Variants in TCF3 observed in about 807,000 individuals in gnomAD.
The protein encoded by TCF3 is transcription factor 3, also known as transcription factor E2-alpha.
TCF3 carries 54 observed loss-of-function variants against 72.3 expected under a neutral mutation model. The observed-to-expected ratio is 0.75, with a 90% CI of 0.60 to 0.94. TCF3 has a LOEUF of 0.94. Among genes scored for constraint, TCF3 ranks in the 40% least tolerant of loss-of-function variants. The probability of loss-of-function intolerance (pLI) is 0.00; values close to 1 mark genes in which losing one functional copy is unlikely to be tolerated. For missense variants in TCF3, 1,078 were observed against 934.4 expected (o/e 1.15, Z -2.00); for synonymous variants, 525 against 412.6 (o/e 1.27, Z -3.30).
rs781779398 is a variant in TCF3, at chr19:1,621,050, C to T, written c.1015-4G>A. Reference sequence around the variant, plus strand: ...TTGAGTGATCCGGGGAGTAGATCTGCGAGGAGGACCAGGAGAGATGGGCGG... The same window carrying T: ...TTGAGTGATCCGGGGAGTAGATCTGTGAGGAGGACCAGGAGAGATGGGCGG... On this transcript the variant is annotated splice_region_variant and splice_polypyrimidine_tract_variant and intron_variant, in intron 12 of 18. Coordinates refer to ENST00000262965, the MANE Select transcript of TCF3 (RefSeq NM_003200.5). The T allele has an allele frequency of 1.9e-5, 29 of 1,519,564 alleles. No individual in the cohort carries two copies. Among genetic ancestry groups the T allele is most frequent in the South Asian group, 1.9e-4 (15 of 80,210 alleles). 94.1% of individuals were successfully genotyped at this position (1,519,564 alleles called of 1,614,324 possible).
In TCF3 at chr19:1,615,141, G is replaced by A. The variant is rs565387222; in HGVS notation, c.1822+144C>T. On this transcript the variant is annotated intron_variant, in intron 18 of 18. Transcript: ENST00000262965. This position sits in a 1 kb window ranked among gnomAD's most constrained non-coding sequence, Gnocchi z 7.3. ...ACAGTCATGGCAATGCGGTCAGAGG[G>A]GTGAAGGGCACAGTCACTGCAAGGA... The A allele has an allele frequency of 1.5e-4, 148 of 969,892 alleles. 6 individuals are homozygous for A. In the South Asian group the frequency reaches 2.2e-3, roughly 14 times the overall value. The allele number at this position is 969,892 out of a possible 1,614,324, so 60.1% of individuals were successfully genotyped here.
chr19:1,625,953 A>G (rs1361201638), intron 6 of TCF3, among the ~76,000 whole-genome samples: 2 of 152,092 alleles, frequency 1.3e-5, no homozygotes, highest in Non-Finnish European at 2.9e-5. Flanking sequence ...AGTGTGGCCA[A>G]CCCAAGGGGC....
rs762260573 is a variant in TCF3 at position 1,625,570 on chromosome 19, G to A, written c.499+6C>T. On this transcript the variant is annotated splice_donor_region_variant and intron_variant, in intron 7 of 18. Coordinates refer to ENST00000262965, the MANE Select transcript of TCF3 (RefSeq NM_003200.5). Reference sequence around the variant, plus strand: ...GCCCCCGATGCCCCGGCCAGACCCCGCTCACCTAGGCTGCCGTCTGCCGCT... The same window carrying A: ...GCCCCCGATGCCCCGGCCAGACCCCACTCACCTAGGCTGCCGTCTGCCGCT... The A allele has an allele frequency of 1.2e-5, 19 of 1,576,678 alleles. No individual in the cohort carries two copies. The East Asian group carries it at 2.0e-4, about 16-fold the overall frequency.
In TCF3 at chr19:1,632,019, C is replaced by T; in HGVS notation, c.298+19G>A. 2 of 1,610,916 alleles carry T rather than the reference C, an allele frequency of 1.2e-6. No individual in the cohort carries two copies. Among genetic ancestry groups the T allele is most frequent in the Non-Finnish European group, 1.7e-6 (2 of 1,178,692 alleles). On this transcript the variant is annotated intron_variant, in intron 5 of 18. Transcript: ENST00000262965. The stretch of plus-strand genomic sequence containing the variant: ...ACATCTGTGCACAGCAGAGGGACCG[C>T]ACCAGGCCAGGCACTCACCTCCGAG...
At chr19:1,627,533 A>G (rs1287208740) in intron 5 of TCF3, 107 bp from the exon 6 acceptor site, 1 of 994,028 alleles carries the variant, frequency 1.0e-6, no homozygotes, top group African/African-American at 1.6e-5. Context: ...AGTGCACACG[A>G]CTGAGAGCGC....
At chr19:1,612,049 A>G (rs555626587) in intron 18 of TCF3, among the ~76,000 whole-genome samples, 200 bp from the exon 19 acceptor site, 2 of 151,722 alleles carry the variant, frequency 1.3e-5, no homozygotes, top group East Asian at 3.9e-4. Context: ...GAGAGTGGGT[A>G]TCAGGGGGTG....
At chr19:1,636,836 C>T (rs566509412) in intron 3 of TCF3, among the ~76,000 whole-genome samples, 1 of 152,302 alleles carries the variant, frequency 6.6e-6, no homozygotes, top group Admixed American at 6.5e-5. Context: ...CCTCCCACTT[C>T]GATCTGCCTC....
intron 3 of TCF3, among the ~76,000 whole-genome samples, chr19:1,642,216 GCA>G (rs1280046734): frequency 6.7e-6 from 1 of 149,220 alleles, no homozygotes; most frequent in Non-Finnish European, 1.5e-5. Context: ...GCACACACGC[GCA>G]GACGCACAGA....
intron 2 of TCF3, among the ~76,000 whole-genome samples, chr19:1,648,270 T>C (rs905686851): frequency 3.3e-5 from 5 of 152,094 alleles, no homozygotes; most frequent in African/African-American, 7.2e-5. Context: ...AGGAACAGAG[T>C]GGGGATGCGG....
Position 1,610,993 on chromosome 19 carries a change from G to C in TCF3, c.*714C>G, listed in dbSNP as rs1599387672. On this transcript the variant is annotated 3_prime_UTR_variant, in exon 19 of 19. Coordinates refer to ENST00000262965, the MANE Select transcript of TCF3 (RefSeq NM_003200.5). ...TTTTAATACAACGTTTAATCATCTGGTTGATCAAGAAATGCAATGCTCAGT... is the reference window on the plus strand; with the variant it reads ...TTTTAATACAACGTTTAATCATCTGCTTGATCAAGAAATGCAATGCTCAGT... The C allele has an allele frequency of 4.5e-6, 1 of 223,062 alleles. No individual in the cohort carries two copies. The highest frequency in any genetic ancestry group is 6.4e-5 in the East Asian group (1 of 15,670). 13.8% of individuals were successfully genotyped at this position (223,062 alleles called of 1,614,324 possible).
chr19:1,609,454 T>C lies in TCF3; in HGVS notation c.*2253A>G. On this transcript the variant is annotated 3_prime_UTR_variant, in exon 19 of 19. Coordinates refer to ENST00000262965, the MANE Select transcript of TCF3 (RefSeq NM_003200.5). Reference sequence around the variant, plus strand: ...AAAAAAATTTTTTTGAAAACCATCTTGAGGCACTCAGATCACACCCCCCAC... The same window carrying C: ...AAAAAAATTTTTTTGAAAACCATCTCGAGGCACTCAGATCACACCCCCCAC... 1 of 214,418 alleles carries C rather than the reference T, an allele frequency of 4.7e-6. No homozygotes were observed. Among genetic ancestry groups the C allele is most frequent in the Non-Finnish European group, 9.4e-6 (1 of 106,652 alleles). 13.3% of individuals were successfully genotyped at this position (214,418 alleles called of 1,614,324 possible). A position where few individuals can be genotyped will look rare whatever the true frequency, so the allele number is the denominator to read the frequency against.
intron 7 of TCF3, among the ~76,000 whole-genome samples, chr19:1,625,144 G>A (rs2062728751): frequency 6.6e-6 from 1 of 152,230 alleles, no homozygotes; most frequent in Non-Finnish European, 1.5e-5. Context: ...GCCATGCCTG[G>A]CGACTGTGCT....
rs894601309 is a variant in TCF3, at chr19:1,611,458, G to A, written c.*249C>T. On this transcript the variant is annotated 3_prime_UTR_variant, in exon 19 of 19. Coordinates refer to ENST00000262965, the MANE Select transcript of TCF3 (RefSeq NM_003200.5). ...CATGGGACAGGTCACAGAGTGACAC[G>A]GTGGCTGAGATTCGGGGACAGGGGG... 1.6e-5 allele frequency: 8 copies of A among 485,216 alleles called. No homozygotes were observed. Among genetic ancestry groups the A allele is most frequent in the East Asian group, 6.4e-5 (2 of 31,072 alleles). 30.1% of individuals were successfully genotyped at this position (485,216 alleles called of 1,614,324 possible).
intron 12 of TCF3, 38 bp downstream of exon 12, chr19:1,621,095 G>GT: frequency 1.3e-6 from 2 of 1,524,126 alleles, no homozygotes; most frequent in Non-Finnish European, 8.9e-7. Flanking sequence ...GGCCTCTCAG[G>GT]TCACTTGCCT....
At chr19:1,651,641 G>C (rs1463158996) in intron 1 of TCF3, among the ~76,000 whole-genome samples, 1 of 152,070 alleles carries the variant, frequency 6.6e-6, no homozygotes, top group Non-Finnish European at 1.5e-5. Flanking sequence ...AAGGCGGGGG[G>C]CGCGCTGGAA....
At chr19:1,631,330 G>A (rs1008912100) in intron 5 of TCF3, among the ~76,000 whole-genome samples, 16 of 151,080 alleles carry the variant, frequency 1.1e-4, no homozygotes, top group Admixed American at 3.9e-4. Flanking sequence ...GGGCAATGGC[G>A]TGATCTCGGC....
At chr19:1,631,942 G>C (rs1316800774) in intron 5 of TCF3, 96 bp downstream of exon 5, 28 of 1,549,902 alleles carry the variant, frequency 1.8e-5, no homozygotes, top group Non-Finnish European at 2.2e-5. Flanking sequence ...GTGAACGCTG[G>C]GGACTTGCCT....
At chr19:1,624,912 C>T (rs1033338056) in intron 7 of TCF3, among the ~76,000 whole-genome samples, 1 of 152,176 alleles carries the variant, frequency 6.6e-6, no homozygotes, top group Non-Finnish European at 1.5e-5. Context: ...ATGGTGCGAT[C>T]GCAGCTCATT....
chr19:1,619,546 C>A, intron 14 of TCF3, 72 bp from the exon 15 acceptor site: 2 of 1,507,994 alleles, frequency 1.3e-6, no homozygotes, highest in South Asian at 1.3e-5. Context: ...CATGTCCCTT[C>A]CGCATGCAAG....
Sources: allele counts gnomAD v4.1 joint callset (sites outside exome capture counted in the v4.1 genomes callset), GRCh38; gene constraint gnomAD v4.1.1; non-coding constraint Gnocchi (gnomAD v3.1); transcripts MANE v1.5; gene names NCBI Gene and HGNC (gene_info 2026-07-23, HGNC 2026-07-21).